Variants in AKAP13 observed in about 807,000 individuals in gnomAD.
The protein encoded by AKAP13 is A-kinase anchoring protein 13.
A neutral mutation model predicts 264.5 loss-of-function variants in AKAP13; 80 were observed. The observed-to-expected ratio is 0.30, with a 90% CI of 0.25 to 0.36. The LOEUF (loss-of-function observed/expected upper bound fraction) is 0.36, where lower values mean the gene tolerates loss of function less well. Among genes scored for constraint, AKAP13 ranks in the 10% least tolerant of loss-of-function variants. AKAP13 has a pLI of 1.00. For synonymous variants in AKAP13, 1,380 were observed against 1,250.2 expected, an observed-to-expected ratio of 1.10 and a Z score of -2.19; for missense variants, 3,712 against 3,435.2, an observed-to-expected ratio of 1.08 and a Z score of -2.01.
chr15:85,719,408 C>G (rs1316228933), intron 23 of AKAP13, 82 bp downstream of exon 23: 6 of 1,509,384 alleles, frequency 4.0e-6, no homozygotes, highest in South Asian at 1.3e-5. Context: ...GCATTCACAT[C>G]TTCTTTCTAC....
At chr15:85,449,135 T>G (rs2073999047) in intron 1 of AKAP13, among the ~76,000 whole-genome samples, 1 of 152,124 alleles carries the variant, frequency 6.6e-6, no homozygotes, top group South Asian at 2.1e-4. Flanking sequence ...TTAGCTGTAT[T>G]CCTAGGTATT....
At chr15:85,730,783 T>C (rs1438354638) in intron 30 of AKAP13, 76 bp downstream of exon 30, 1 of 1,308,680 alleles carries the variant, frequency 7.6e-7, no homozygotes, top group African/African-American at 1.5e-5. Flanking sequence ...CTGCCAGTTT[T>C]TACTTTTTTA....
chr15:85,741,546 C>T, intron 35 of AKAP13, 51 bp downstream of exon 35: 2 of 1,515,230 alleles, frequency 1.3e-6, no homozygotes, highest in Non-Finnish European at 1.8e-6. Flanking sequence ...TAATTAAGAC[C>T]CCCTGTGTAT....
At chr15:85,454,611 C>T (rs1596233495) in intron 1 of AKAP13, among the ~76,000 whole-genome samples, 2 of 151,992 alleles carry the variant, frequency 1.3e-5, no homozygotes, top group South Asian at 4.2e-4. Context: ...TGCCTCTAGT[C>T]GGCTCTGTTG....
chr15:85,458,595 A>G (rs1456314524), intron 1 of AKAP13, among the ~76,000 whole-genome samples: 1 of 151,892 alleles, frequency 6.6e-6, no homozygotes, highest in Non-Finnish European at 1.5e-5. Flanking sequence ...AGACACAGTT[A>G]TTTGTAAATG....
chr15:85,407,980 G>A (rs1305547173), intron 1 of AKAP13, among the ~76,000 whole-genome samples: 3 of 151,648 alleles, frequency 2.0e-5, no homozygotes, highest in African/African-American at 7.3e-5. Context: ...TGGACATTTT[G>A]AAAGTTGAAT....
chr15:85,602,879 A>G (rs1167154426), intron 8 of AKAP13, among the ~76,000 whole-genome samples: 1 of 152,164 alleles, frequency 6.6e-6, no homozygotes, highest in Non-Finnish European at 1.5e-5. Flanking sequence ...GAGTAATACA[A>G]CTCTTCCAAA....
At chr15:85,445,451 A>C (rs976563862) in intron 1 of AKAP13, among the ~76,000 whole-genome samples, 3 of 152,230 alleles carry the variant, frequency 2.0e-5, no homozygotes, top group African/African-American at 7.2e-5. Flanking sequence ...TCATTGATGC[A>C]TAAATAATTT....
chr15:85,693,223 G>A (rs2085388783), intron 16 of AKAP13, 54 bp from the exon 17 acceptor site: 2 of 1,493,336 alleles, frequency 1.3e-6, no homozygotes, highest in African/African-American at 1.4e-5. Flanking sequence ...CCCAGGTAAG[G>A]AGAAAGCCCT....
chr15:85,381,481 C>T (rs979735158), intron 1 of AKAP13, among the ~76,000 whole-genome samples: 1 of 104,916 alleles, frequency 9.5e-6, no homozygotes, highest in Admixed American at 1.1e-4. Flanking sequence ...TGATACCAAA[C>T]AAAACTTTTT....
chr15:85,543,516 A>G (rs2151213433), intron 4 of AKAP13, among the ~76,000 whole-genome samples: 1 of 152,208 alleles, frequency 6.6e-6, no homozygotes. Context: ...AAATGTCCTG[A>G]TTCTCTTTTG....
At chr15:85,656,786 T>G (rs1330912481) in intron 11 of AKAP13, among the ~76,000 whole-genome samples, 1 of 152,222 alleles carries the variant, frequency 6.6e-6, no homozygotes, top group East Asian at 1.9e-4. Context: ...TAGACAAATG[T>G]AAGCAGATGG....
At chr15:85,631,670 GTT>G (rs1425855666) in intron 8 of AKAP13, among the ~76,000 whole-genome samples, 1 of 152,080 alleles carries the variant, frequency 6.6e-6, no homozygotes, top group Non-Finnish European at 1.5e-5. Flanking sequence ...ACCAGTGTTG[GTT>G]TCTTAGTATT....
rs1476789392 is a variant in AKAP13 at position 85,524,441 on chromosome 15, TG to T, written c.181+2869del. On this transcript the variant is annotated intron_variant, in intron 3 of 36. Coordinates refer to ENST00000394518, the MANE Select transcript of AKAP13 (RefSeq NM_007200.5). The stretch of plus-strand genomic sequence containing the variant: ...TGCCCACCTCGGCCTCCCAAAGTGC[TG>T]GGATTACAGACGTGAGCCACCGTGC... Among the ~76,000 whole-genome samples the T allele has an allele frequency of 4.6e-5, 7 of 152,254 alleles. No individual in the cohort carries two copies. The East Asian group carries it at 1.4e-3, about 29-fold the overall frequency.
chr15:85,701,826 A>G lies in AKAP13; in HGVS notation c.5465-6193A>G, dbSNP rs544615757. Among the ~76,000 whole-genome samples, 140 of 146,694 alleles carry G rather than the reference A, an allele frequency of 9.5e-4. 1 individual carries two copies. Among genetic ancestry groups the G allele is most frequent in the African/African-American group, 3.3e-3 (132 of 39,714 alleles). The stretch of plus-strand genomic sequence containing the variant: ...CTTGACTGTTACCCTAATATGCACT[A>G]AGTTTCAAAAATACATTCTTTAATT... On this transcript the variant is annotated intron_variant, in intron 17 of 36. Coordinates refer to ENST00000394518, the MANE Select transcript of AKAP13 (RefSeq NM_007200.5).
chr15:85,536,846 A>G (rs1334433553), intron 4 of AKAP13: 1 of 152,146 alleles, frequency 6.6e-6, no homozygotes, highest in Non-Finnish European at 1.5e-5. Context: ...GGAAAGAGGT[A>G]TCATGAGGGA....
At chr15:85,712,876 C>CA (rs1272881240) in intron 19 of AKAP13, among the ~76,000 whole-genome samples, 1 of 152,178 alleles carries the variant, frequency 6.6e-6, no homozygotes, top group African/African-American at 2.4e-5. Context: ...TGTTGTACTC[C>CA]ACTGAGGCAA....
intron 3 of AKAP13, among the ~76,000 whole-genome samples, chr15:85,530,420 C>T (rs2151183930): frequency 6.6e-6 from 1 of 152,234 alleles, no homozygotes; most frequent in South Asian, 2.1e-4. Flanking sequence ...CTCATCTTTG[C>T]ATAGGCCTGA....
intron 14 of AKAP13, among the ~76,000 whole-genome samples, chr15:85,681,358 C>T (rs1429723006): frequency 6.6e-6 from 1 of 152,324 alleles, no homozygotes; most frequent in East Asian, 1.9e-4. Context: ...GTCTTGCTCT[C>T]ATCTAAGTCT....
Sources: allele counts gnomAD v4.1 joint callset (sites outside exome capture counted in the v4.1 genomes callset), GRCh38; gene constraint gnomAD v4.1.1; transcripts MANE v1.5; gene names NCBI Gene and HGNC (gene_info 2026-07-23, HGNC 2026-07-21).